Variants in ASIC2 observed in about 807,000 individuals in gnomAD.
The protein encoded by ASIC2 is acid sensing ion channel subunit 2.
A neutral mutation model predicts 57.3 loss-of-function variants in ASIC2; 25 were observed. The observed-to-expected ratio is 0.44, with a 90% CI of 0.32 to 0.61. ASIC2 has a LOEUF of 0.61. Ranked by LOEUF, ASIC2 falls within the 20% of genes least tolerant of loss-of-function variation. The probability of loss-of-function intolerance (pLI) is 0.06; values close to 1 mark genes in which losing one functional copy is unlikely to be tolerated. For missense variants in ASIC2, 641 were observed against 738.1 expected, an observed-to-expected ratio of 0.87 and a Z score of 1.52; for synonymous variants, 319 against 307.5, an observed-to-expected ratio of 1.04 and a Z score of -0.39.
intron 1 of ASIC2, among the ~76,000 whole-genome samples, chr17:34,134,629 G>A (rs1259380717): frequency 6.6e-6 from 1 of 152,196 alleles, no homozygotes; most frequent in Non-Finnish European, 1.5e-5. Flanking sequence ...GATGAGACAT[G>A]GAGAAGTTCT....
intron 1 of ASIC2, among the ~76,000 whole-genome samples, chr17:33,145,997 A>C (rs1165748738): frequency 3.3e-5 from 5 of 152,252 alleles, no homozygotes; most frequent in Non-Finnish European, 2.9e-5. Flanking sequence ...AAAAGTGTTC[A>C]GAATGAATAG....
At chr17:33,833,779 G>A (rs572677869) in intron 1 of ASIC2, among the ~76,000 whole-genome samples, 1 of 152,012 alleles carries the variant, frequency 6.6e-6, no homozygotes, top group East Asian at 1.9e-4. Context: ...ATTGCAGCTG[G>A]GCACACTGTC....
At chr17:33,701,477 T>TA (rs764563225) in intron 1 of ASIC2, among the ~76,000 whole-genome samples, 12 of 152,324 alleles carry the variant, frequency 7.9e-5, no homozygotes, top group Non-Finnish European at 1.2e-4. Context: ...TCATTTTTGT[T>TA]ATAGTTCTCA....
At chr17:34,073,189 C>G (rs780266908) in intron 1 of ASIC2, among the ~76,000 whole-genome samples, 1 of 152,182 alleles carries the variant, frequency 6.6e-6, no homozygotes, top group Non-Finnish European at 1.5e-5. Context: ...TCTATAGTCT[C>G]TGTTGCAAGT....
intron 3 of ASIC2, among the ~76,000 whole-genome samples, chr17:33,074,967 T>C (rs1041380747): frequency 1.3e-4 from 20 of 152,148 alleles, no homozygotes; most frequent in Non-Finnish European, 8.8e-5. Flanking sequence ...AGGTCTGATA[T>C]CAGTTATGAT....
At chr17:34,123,846 T>C (rs1288920694) in intron 1 of ASIC2, among the ~76,000 whole-genome samples, 3 of 152,064 alleles carry the variant, frequency 2.0e-5, no homozygotes, top group South Asian at 2.1e-4. Flanking sequence ...GTTTGGGAAG[T>C]TGAGGTGGGC....
intron 1 of ASIC2, among the ~76,000 whole-genome samples, chr17:34,140,317 G>C (rs1912239107): frequency 6.6e-6 from 1 of 152,212 alleles, no homozygotes; most frequent in Non-Finnish European, 1.5e-5. Flanking sequence ...AAAAGCCAGA[G>C]TGAACCCTGT....
chr17:34,083,498 T>C (rs1909977808), intron 1 of ASIC2, among the ~76,000 whole-genome samples: 1 of 151,892 alleles, frequency 6.6e-6, no homozygotes, highest in South Asian at 2.1e-4. Context: ...TGCATGTGTC[T>C]TTATAGCAGC....
At chr17:33,541,970 A>G (rs1268989131) in intron 1 of ASIC2, among the ~76,000 whole-genome samples, 2 of 152,158 alleles carry the variant, frequency 1.3e-5, no homozygotes, top group African/African-American at 4.8e-5. Flanking sequence ...TTCCTCATCA[A>G]TTTCATGGGA....
chr17:33,152,904 G>A (rs931590001), intron 1 of ASIC2, among the ~76,000 whole-genome samples: 2 of 152,278 alleles, frequency 1.3e-5, no homozygotes, highest in South Asian at 4.2e-4. Flanking sequence ...CCCAGCAGAG[G>A]AGCAATAGAA....
intron 1 of ASIC2, among the ~76,000 whole-genome samples, chr17:33,729,628 T>C (rs1233083458): frequency 6.6e-6 from 1 of 152,148 alleles, no homozygotes; most frequent in Non-Finnish European, 1.5e-5. Context: ...TTCCAAACAA[T>C]GTGATCTGGG....
intron 1 of ASIC2, among the ~76,000 whole-genome samples, chr17:34,099,768 AAG>A (rs1477356497): frequency 0.027 from 1,047 of 39,164 alleles, 56 homozygotes; most frequent in African/African-American, 0.088. Context: ...GAAAGAAAGA[AAG>A]AAAGAAAGAA....
At chr17:33,812,409 A>G (rs1183446421) in intron 1 of ASIC2, among the ~76,000 whole-genome samples, 1 of 152,206 alleles carries the variant, frequency 6.6e-6, no homozygotes, top group Non-Finnish European at 1.5e-5. Context: ...CTGCCTGTCC[A>G]TGAGTTGGGG....
At chr17:33,492,151 T>C (rs1014102394) in intron 1 of ASIC2, among the ~76,000 whole-genome samples, 6 of 152,202 alleles carry the variant, frequency 3.9e-5, no homozygotes, top group African/African-American at 1.4e-4. Flanking sequence ...ACAGCTAGCA[T>C]GTATTAAGTG....
intron 1 of ASIC2, among the ~76,000 whole-genome samples, chr17:34,056,434 C>T (rs1908768660): frequency 6.6e-6 from 1 of 152,128 alleles, no homozygotes; most frequent in Non-Finnish European, 1.5e-5. Flanking sequence ...GTAATAGCTA[C>T]CTGTGACACT....
At chr17:33,068,001 G>A (rs2092051020) in intron 3 of ASIC2, among the ~76,000 whole-genome samples, 2 of 152,180 alleles carry the variant, frequency 1.3e-5, no homozygotes, top group Admixed American at 6.5e-5. Context: ...CTCCGGGCAA[G>A]ACCTTGTCTC....
Position 33,292,010 on chromosome 17 carries a change from C to A in ASIC2, c.106G>T (p.Gly36Trp), listed in dbSNP as rs912168433. 2.5e-6 allele frequency: 3 copies of A among 1,219,880 alleles called. No homozygotes were observed. Among genetic ancestry groups the A allele is most frequent in the Non-Finnish European group, 1.0e-6 (1 of 985,344 alleles). 75.6% of individuals were successfully genotyped at this position (1,219,880 alleles called of 1,614,324 possible). A position where few individuals can be genotyped will look rare whatever the true frequency, so the allele number is the denominator to read the frequency against. ...EPAPAALAAA[G>W]QPGGGRGGER... is the part of the protein sequence containing the mutation. ...CCGCCTCTGCCGCCCCCGGGCTGCC[C>A]GGCAGCCGCCAACGCCGCGGGCGCC... The change falls in exon 1 of 10, where the codon GGG (glycine) becomes TGG (tryptophan). Residue 36 changes from glycine to tryptophan, a missense_variant. Physicochemically the swap from Gly to Trp is radical, Grantham distance 184. Transcript: ENST00000225823.
intron 1 of ASIC2, among the ~76,000 whole-genome samples, chr17:33,268,816 G>A (rs1429467206): frequency 3.3e-5 from 5 of 152,090 alleles, no homozygotes; most frequent in Admixed American, 6.5e-5. Context: ...AGTTTATGCC[G>A]CTTCACCTAG....
At chr17:33,040,919 C>T (rs1414297395) in intron 3 of ASIC2, among the ~76,000 whole-genome samples, 3 of 152,286 alleles carry the variant, frequency 2.0e-5, no homozygotes, top group Admixed American at 6.5e-5. Context: ...GTTAGCCCAA[C>T]CAGCTGAGTG....
Sources: gnomAD v4.1 joint callset for allele counts (sites outside exome capture counted in the v4.1 genomes callset) on GRCh38, gnomAD v4.1.1 for gene constraint, MANE v1.5 for transcripts, NCBI Gene and HGNC (gene_info 2026-07-23, HGNC 2026-07-21) for gene names.